The following PRICKLE2 variants were observed in gnomAD, a reference collection of about 807,000 sequenced individuals.
PRICKLE2 encodes prickle planar cell polarity protein 2, also known as prickle-like protein 2.
In PRICKLE2, 21 loss-of-function variants were observed where a neutral mutation model predicts 81.4. The observed-to-expected ratio is 0.26, with a 90% confidence interval of 0.18 to 0.37. The LOEUF (loss-of-function observed/expected upper bound fraction) is 0.37. Ranked by LOEUF, PRICKLE2 falls within the 10% of genes least tolerant of loss-of-function variation. The pLI is 1.00. For missense variants in PRICKLE2, 940 were observed against 1,109.0 expected (o/e 0.85, Z 2.16); for synonymous variants, 456 against 421.5 (o/e 1.08, Z -1.00).
chr3:64,131,873 A>T (rs1575573157), intron 7 of PRICKLE2, among the ~76,000 whole-genome samples: 1 of 114,550 alleles, frequency 8.7e-6, no homozygotes, highest in South Asian at 2.7e-4. Flanking sequence ...ACATCCCACT[A>T]AAAAAAGGGG....
rs755802840 is a variant in PRICKLE2 at position 64,146,917 on chromosome 3, T to C, written c.1573A>G (p.Ser525Gly). 18 of 1,614,004 alleles carry C rather than the reference T, an allele frequency of 1.1e-5. No individual in the cohort carries two copies. The African/African-American group carries it at 2.4e-4, about 22-fold the overall frequency. ...ATGTCCTCTGTGTATTTCAGGGAAC[T>C]GATGGGATGACGGGTCCGACACTGC... ...TQQCRTRHPI[S>G]SLKYTEDMTP... Residue 525 changes from serine to glycine, a missense_variant, in exon 7 of 8, where the codon AGT (serine) becomes GGT (glycine). By Grantham distance (56) the Ser-to-Gly change is moderately conservative (BLOSUM62 0). Transcript: ENST00000638394.
intron 2 of PRICKLE2, among the ~76,000 whole-genome samples, chr3:64,165,963 GGTGTGTGTGTGTGTGTGTGTGT>G (rs67554015): frequency 0.066 from 4,066 of 61,846 alleles, 184 homozygotes; most frequent in African/African-American, 0.17. Flanking sequence ...CTGTTATAAA[GGTGTGTGTGTGTGTGTGTGTGT>G]GTGTGTGTGT....
intron 2 of PRICKLE2, among the ~76,000 whole-genome samples, chr3:64,180,263 C>A (rs1254682194): frequency 6.6e-6 from 1 of 152,190 alleles, no homozygotes; most frequent in Non-Finnish European, 1.5e-5. Flanking sequence ...GAAGGGACTG[C>A]TCCAATTCCT....
intron 1 of PRICKLE2, among the ~76,000 whole-genome samples, chr3:64,223,512 T>C (rs777669000): frequency 6.6e-6 from 1 of 152,202 alleles, no homozygotes; most frequent in Non-Finnish European, 1.5e-5. Context: ...TCACATTTCA[T>C]GGGTAAATCT....
intron 7 of PRICKLE2, among the ~76,000 whole-genome samples, chr3:64,143,950 A>AT (rs34605013): frequency 0.45 from 64,427 of 143,268 alleles, 15,268 homozygotes; most frequent in South Asian, 0.58. Flanking sequence ...CCAAGGCCTC[A>AT]TTTTTTTTTT....
chr3:64,162,472 C>CA (rs2077750840), intron 3 of PRICKLE2, among the ~76,000 whole-genome samples: 1 of 152,146 alleles, frequency 6.6e-6, no homozygotes, highest in African/African-American at 2.4e-5. Context: ...TCCACACTTT[C>CA]AAGAGTACAA....
chr3:64,133,857 A>T (rs2077235993), intron 7 of PRICKLE2, among the ~76,000 whole-genome samples: 1 of 152,170 alleles, frequency 6.6e-6, no homozygotes, highest in Non-Finnish European at 1.5e-5. Context: ...GATCATTGAC[A>T]TGTACAGAAT....
chr3:64,233,844 C>G (rs982751857), intron 2 of PRICKLE2, among the ~76,000 whole-genome samples: 1 of 152,220 alleles, frequency 6.6e-6, no homozygotes, highest in Non-Finnish European at 1.5e-5. Context: ...ACTTGTCCCA[C>G]TGCTCCAGGC....
chr3:64,126,792 G>A (rs1349442976), intron 7 of PRICKLE2, among the ~76,000 whole-genome samples: 1 of 152,086 alleles, frequency 6.6e-6, no homozygotes, highest in Non-Finnish European at 1.5e-5. Context: ...TGGCCAGACT[G>A]GTCTCGAACT....
chr3:64,199,046 C>T (rs538285338), intron 1 of PRICKLE2, 79 bp from the exon 2 acceptor site: 2 of 1,339,936 alleles, frequency 1.5e-6, no homozygotes, highest in East Asian at 2.4e-5. Context: ...TCACTAGCCC[C>T]TGGATCCCAA....
chr3:64,223,505 C>T lies in PRICKLE2; in HGVS notation c.-41+1405G>A, dbSNP rs533510963. Among the ~76,000 whole-genome samples, 11 of 152,318 alleles carry T rather than the reference C, an allele frequency of 7.2e-5. No individual in the cohort carries two copies. The East Asian group carries it at 1.2e-3, about 16-fold the overall frequency. The stretch of plus-strand genomic sequence containing the variant: ...CCTCTATTTCTATTTTATTCCCTCA[C>T]ATTTCATGGGTAAATCTTTATAAAC... On this transcript the variant is annotated intron_variant, in intron 1 of 7. Coordinates refer to ENST00000638394, the MANE Select transcript of PRICKLE2 (RefSeq NM_198859.4).
rs184734766 is a variant in PRICKLE2 at position 64,097,079 on chromosome 3, G to A, written c.*1972C>T. ...ACAAACGTAATAGAGTTAATTCTCCGGAGGCTCGGATAATTAATGAAGCAT... is the reference window on the plus strand; with the variant it reads ...ACAAACGTAATAGAGTTAATTCTCCAGAGGCTCGGATAATTAATGAAGCAT... On this transcript the variant is annotated 3_prime_UTR_variant, in exon 8 of 8. Transcript: ENST00000638394. 7.9e-5 allele frequency: 12 copies of A among 152,652 alleles called. No individual in the cohort carries two copies. The highest frequency in any genetic ancestry group is 2.4e-4 in the African/African-American group (10 of 41,532). 9.5% of individuals were successfully genotyped at this position (152,652 alleles called of 1,614,324 possible).
chr3:64,132,057 T>G (rs1301029456), intron 7 of PRICKLE2, among the ~76,000 whole-genome samples: 2 of 152,240 alleles, frequency 1.3e-5, no homozygotes, highest in East Asian at 3.9e-4. Flanking sequence ...TCAGGGCCTT[T>G]GCATATAAGA....
chr3:64,218,728 A>G (rs1379594220), intron 1 of PRICKLE2, among the ~76,000 whole-genome samples: 6 of 152,370 alleles, frequency 3.9e-5, no homozygotes, highest in East Asian at 1.9e-4. Flanking sequence ...GTTTACTCAA[A>G]TAAGTGACAA....
At chr3:64,113,179 G>A (rs1322323982) in intron 7 of PRICKLE2, among the ~76,000 whole-genome samples, 9 of 152,232 alleles carry the variant, frequency 5.9e-5, no homozygotes, top group Non-Finnish European at 1.3e-4. Flanking sequence ...GGGGCAACAA[G>A]CCAGCTGATG....
chr3:64,217,564 T>C (rs979329800), intron 1 of PRICKLE2, among the ~76,000 whole-genome samples: 1 of 152,170 alleles, frequency 6.6e-6, no homozygotes, highest in Non-Finnish European at 1.5e-5. Flanking sequence ...ACTTAGGCTA[T>C]TGGTAGGTGT....
At chr3:64,131,770 T>C (rs986752894) in intron 7 of PRICKLE2, among the ~76,000 whole-genome samples, 5 of 152,212 alleles carry the variant, frequency 3.3e-5, no homozygotes, top group Admixed American at 2.0e-4. Context: ...TACTTCTCAA[T>C]GCACATGGTA....
chr3:64,146,570 G>T, intron 7 of PRICKLE2: 1 of 431,620 alleles, frequency 2.3e-6, no homozygotes, highest in Admixed American at 3.5e-5. Context: ...GGTGAAACAC[G>T]TGTGTACTAA....
chr3:64,224,096 G>C (rs914475997), intron 1 of PRICKLE2, among the ~76,000 whole-genome samples: 1 of 152,192 alleles, frequency 6.6e-6, no homozygotes, highest in Non-Finnish European at 1.5e-5. Flanking sequence ...AGTTAGACAA[G>C]AGCCACATTT....
Sources: allele counts gnomAD v4.1 joint callset (sites outside exome capture counted in the v4.1 genomes callset), GRCh38; gene constraint gnomAD v4.1.1; transcripts MANE v1.5; gene names NCBI Gene and HGNC (gene_info 2026-07-23, HGNC 2026-07-21).